Variants in DGKI observed in about 807,000 individuals in gnomAD.
The protein encoded by DGKI is diacylglycerol kinase iota, also known as DAG kinase iota.
DGKI carries 55 observed loss-of-function variants against 147.5 expected under a neutral mutation model. The observed-to-expected ratio is 0.37, with a 90% CI of 0.30 to 0.47. DGKI has a LOEUF of 0.47. Among genes scored for constraint, DGKI ranks in the 20% least tolerant of loss-of-function variants. The pLI, the probability that DGKI is intolerant of heterozygous loss-of-function variation, is 1.00. For missense variants in DGKI, 1,007 were observed against 1,323.8 expected (o/e 0.76, Z 3.71); for synonymous variants, 469 against 477.1 (o/e 0.98, Z 0.22).
intron 1 of DGKI, among the ~76,000 whole-genome samples, chr7:137,808,373 C>T (rs985423635): frequency 1.3e-5 from 2 of 152,156 alleles, no homozygotes; most frequent in African/African-American, 2.4e-5. Context: ...AAGAGCCAGA[C>T]ACTAGGCTAA....
At chr7:137,662,216 G>A (rs1563138020) in intron 3 of DGKI, among the ~76,000 whole-genome samples, 2 of 151,052 alleles carry the variant, frequency 1.3e-5, no homozygotes, top group Non-Finnish European at 2.9e-5. Flanking sequence ...CAGGAGGGTG[G>A]CCGGCTGAAG....
intron 26 of DGKI, 56 bp downstream of exon 26, chr7:137,465,852 C>G: frequency 6.4e-7 from 1 of 1,571,390 alleles, no homozygotes; most frequent in Non-Finnish European, 8.6e-7. Flanking sequence ...CAAAGGCGAA[C>G]CAGACATGGA....
At chr7:137,577,145 T>C in intron 17 of DGKI, 77 bp downstream of exon 17, 2 of 1,020,440 alleles carry the variant, frequency 2.0e-6, no homozygotes, top group African/African-American at 1.6e-5. Flanking sequence ...ATTCAATATA[T>C]AAACTAAGTA....
chr7:137,700,308 A>G (rs1168057524), intron 1 of DGKI, among the ~76,000 whole-genome samples: 1 of 152,158 alleles, frequency 6.6e-6, no homozygotes, highest in Non-Finnish European at 1.5e-5. Context: ...CAAGACCTGC[A>G]ATATAGCTAA....
At chr7:137,418,670 T>C (rs1458785114) in intron 28 of DGKI, among the ~76,000 whole-genome samples, 1 of 152,204 alleles carries the variant, frequency 6.6e-6, no homozygotes, top group East Asian at 1.9e-4. Context: ...AAAAATAATA[T>C]CCTATTACCA....
chr7:137,448,790 T>G (rs1813834172), intron 27 of DGKI, among the ~76,000 whole-genome samples: 1 of 151,590 alleles, frequency 6.6e-6, no homozygotes, highest in Non-Finnish European at 1.5e-5. Flanking sequence ...AATGTAAACT[T>G]AAAGAAGAAA....
At chr7:137,748,375 C>T (rs1163409427) in intron 1 of DGKI, among the ~76,000 whole-genome samples, 2 of 149,464 alleles carry the variant, frequency 1.3e-5, no homozygotes, top group East Asian at 1.9e-4. Flanking sequence ...AGAATGGGGG[C>T]GGAATATAAA....
chr7:137,622,939 TGA>T (rs1227079205), intron 7 of DGKI, among the ~76,000 whole-genome samples: 1 of 152,198 alleles, frequency 6.6e-6, no homozygotes, highest in Non-Finnish European at 1.5e-5. Context: ...TACATTTCAA[TGA>T]GTGTACAGAC....
In DGKI at chr7:137,590,847, C is replaced by T. The variant is rs572806225; in HGVS notation, c.1312-3637G>A. ...AGCTGGGACCACAGGTGCAAGTCAC[C>T]ACACCAGGCTAATTTTTGCATTTTT... On this transcript the variant is annotated intron_variant, in intron 12 of 32. Transcript: ENST00000614521. Among the ~76,000 whole-genome samples the T allele has an allele frequency of 5.3e-5, 8 of 152,302 alleles. No homozygotes were observed. In the South Asian group the frequency reaches 1.7e-3, roughly 32 times the overall value.
intron 1 of DGKI, among the ~76,000 whole-genome samples, chr7:137,785,891 T>A (rs1796654679): frequency 6.6e-6 from 1 of 152,178 alleles, no homozygotes; most frequent in Non-Finnish European, 1.5e-5. Flanking sequence ...TCTCAATAGA[T>A]GCAGAAAAAG....
intron 2 of DGKI, among the ~76,000 whole-genome samples, chr7:137,681,176 C>T (rs1823223874): frequency 6.6e-6 from 1 of 152,200 alleles, no homozygotes. Flanking sequence ...CAACACTGAC[C>T]AGGATCATTG....
intron 1 of DGKI, among the ~76,000 whole-genome samples, chr7:137,823,934 G>T (rs974231320): frequency 1.3e-5 from 2 of 152,056 alleles, no homozygotes; most frequent in Non-Finnish European, 1.5e-5. Flanking sequence ...TAGCACACTG[G>T]GTGACTCGGC....
intron 1 of DGKI, among the ~76,000 whole-genome samples, chr7:137,776,235 T>G (rs1796357276): frequency 6.6e-6 from 1 of 152,230 alleles, no homozygotes; most frequent in Admixed American, 6.5e-5. Context: ...TTGATGTGTT[T>G]CCCTGTTTCA....
intron 1 of DGKI, among the ~76,000 whole-genome samples, chr7:137,783,686 A>G (rs1034812416): frequency 6.6e-6 from 1 of 152,244 alleles, no homozygotes; most frequent in African/African-American, 2.4e-5. Context: ...CAGGTTATCC[A>G]AAGTCCAGAC....
chr7:137,547,564 G>A (rs1424171195), intron 20 of DGKI, among the ~76,000 whole-genome samples: 1 of 152,082 alleles, frequency 6.6e-6, no homozygotes, highest in African/African-American at 2.4e-5. Flanking sequence ...TTAGATTTAT[G>A]TTATCTTAGA....
chr7:137,640,051 C>G (rs1378802047), intron 6 of DGKI, among the ~76,000 whole-genome samples: 1 of 151,562 alleles, frequency 6.6e-6, no homozygotes, highest in Non-Finnish European at 1.5e-5. Context: ...CAGCACAACC[C>G]TCTCAGGAAA....
chr7:137,762,688 G>A (rs892272402), intron 1 of DGKI, among the ~76,000 whole-genome samples: 44 of 152,238 alleles, frequency 2.9e-4, no homozygotes, highest in African/African-American at 1.0e-3. Flanking sequence ...TCCTTGCTCG[G>A]TTCAATAGCT....
In DGKI at chr7:137,386,470, T is replaced by C. The variant is rs1160398494; in HGVS notation, c.*4750A>G. 2 of 152,212 alleles carry C rather than the reference T, an allele frequency of 1.3e-5. No individual in the cohort carries two copies. Among genetic ancestry groups the C allele is most frequent in the Non-Finnish European group, 2.9e-5 (2 of 68,032 alleles). 9.4% of individuals were successfully genotyped at this position (152,212 alleles called of 1,614,324 possible). On this transcript the variant is annotated 3_prime_UTR_variant, in exon 33 of 33. Transcript: ENST00000614521. ...TTCAGAATCATGCTTGCCATAATTCTATAAGATGATCAAGGTCAGTGGACA... is the reference window on the plus strand; with the variant it reads ...TTCAGAATCATGCTTGCCATAATTCCATAAGATGATCAAGGTCAGTGGACA...
At chr7:137,808,494 T>G (rs1199696018) in intron 1 of DGKI, among the ~76,000 whole-genome samples, 1 of 152,138 alleles carries the variant, frequency 6.6e-6, no homozygotes, top group Non-Finnish European at 1.5e-5. Context: ...GTGCTTCTCA[T>G]TAAGTGCCTG....
Sources: gnomAD v4.1 joint callset for allele counts (sites outside exome capture counted in the v4.1 genomes callset) on GRCh38, gnomAD v4.1.1 for gene constraint, MANE v1.5 for transcripts, NCBI Gene and HGNC (gene_info 2026-07-23, HGNC 2026-07-21) for gene names.